CCNH: variants seen among roughly 807,000 people sequenced by gnomAD.
CCNH encodes the protein cyclin H.
Under a neutral mutation model 41.9 loss-of-function variants are expected in CCNH, and 31 were observed. The observed-to-expected ratio is 0.74, with a 90% CI of 0.56 to 1.00. CCNH has a LOEUF of 1.00. CCNH is among the 50% of genes least tolerant of loss of function. CCNH has a pLI of 0.00. For missense variants in CCNH, 362 were observed against 388.4 expected (o/e 0.93, Z 0.57); for synonymous variants, 138 against 136.1 (o/e 1.01, Z -0.10).
Position 87,333,157 on chromosome 5 carries a change from C to G in CCNH, c.*91-14260G>C, listed in dbSNP as rs980888337. ...CCAAGTAAAAATTTATTTGAATGAT[C>G]CCATGGAGTTTCTAATGTGAATTTT... On this transcript the variant is annotated intron_variant and NMD_transcript_variant, in intron 9 of 9. Coordinates refer to the CCNH transcript ENST00000645953. The G allele has an allele frequency of 2.7e-6, 4 of 1,469,276 alleles. No individual in the cohort carries two copies. The African/African-American group carries it at 5.7e-5, about 21-fold the overall frequency. 91.0% of individuals were successfully genotyped at this position (1,469,276 alleles called of 1,614,324 possible).
intron 9 of CCNH, among the ~76,000 whole-genome samples, chr5:87,386,149 G>GT (rs1762049462): frequency 6.6e-6 from 1 of 151,858 alleles, no homozygotes; most frequent in South Asian, 2.1e-4. Flanking sequence ...AATATTTTGT[G>GT]TTTCATTATT....
upstream of CCNH, chr5:87,378,342 G>A: frequency 6.3e-7 from 1 of 1,585,074 alleles, no homozygotes; most frequent in Non-Finnish European, 8.7e-7. Context: ...TTCCAATTTG[G>A]TCACATTAGG....
Position 87,395,057 on chromosome 5 carries a change from G to T in CCNH, c.920C>A (p.Ser307Tyr), listed in dbSNP as rs1762818525. ...YEDDDYVSKK[S>Y]KHEEEEWTDD... ...AGTAAAACATACCTCCTCATGTTTG[G>T]ATTTCTTTGAGACGTAATCATCATC... The change falls in exon 8 of 9, where the codon TCC becomes TAC. Residue 307 changes from serine to tyrosine, a missense_variant. Transcript: ENST00000256897. The T allele has an allele frequency of 1.2e-6, 2 of 1,610,554 alleles. No individual in the cohort carries two copies. The highest frequency in any genetic ancestry group is 1.7e-6 in the Non-Finnish European group (2 of 1,177,316).
At chr5:87,333,449 G>C in intron 9 of CCNH, 2 of 1,488,584 alleles carry the variant, frequency 1.3e-6, no homozygotes, top group Non-Finnish European at 1.8e-6. Flanking sequence ...ATACAGCAAG[G>C]TGAAAGAGCT....
intron 8 of CCNH, 109 bp downstream of exon 8, chr5:87,394,935 C>A (rs1490223328): frequency 1.9e-6 from 3 of 1,559,086 alleles, no homozygotes; most frequent in African/African-American, 1.4e-5. Context: ...AATGAAAAAA[C>A]CCACAACTCT....
rs371730837 is a variant in CCNH, at chr5:87,395,093, T to G, written c.884A>C (p.Lys295Thr). The change falls in exon 8 of 9, where the codon AAA becomes ACA. Residue 295 changes from lysine to threonine, a missense_variant. By Grantham distance (78) the Lys-to-Thr change is moderately conservative. Transcript: ENST00000256897. ...GACGTAATCATCATCTTCATAGCCT[T>G]TCCTCTTCTTCCTATAATTAAGCAA... The part of the protein sequence containing the change: ...LALNVITKKR[K>T]GYEDDDYVSK... 2.5e-6 allele frequency: 4 copies of G among 1,610,522 alleles called. No homozygotes were observed. In the African/African-American group the frequency reaches 5.3e-5, roughly 22 times the overall value.
chr5:87,391,572 G>C (rs1762522385), downstream of CCNH: 2 of 235,190 alleles, frequency 8.5e-6, no homozygotes, highest in Non-Finnish European at 1.7e-5. Flanking sequence ...ATCTCATAAT[G>C]CTTTGTTAAA....
chr5:87,311,616 TTAA>T, the CCNH span, among the ~76,000 whole-genome samples: 1 of 152,216 alleles, frequency 6.6e-6, no homozygotes, highest in East Asian at 1.9e-4. Flanking sequence ...GAGACAGTGC[TTAA>T]CTGCCGCTCA....
upstream of CCNH, chr5:87,380,360 T>C (rs950127837): frequency 5.6e-6 from 4 of 716,236 alleles, no homozygotes; most frequent in African/African-American, 7.0e-5. Context: ...CCTTGCTAAA[T>C]GCCTCATTAC....
At chr5:87,388,616 C>CTAAG (rs904887470), downstream of CCNH, among the ~76,000 whole-genome samples, 3 of 152,194 alleles carry the variant, frequency 2.0e-5, no homozygotes, top group African/African-American at 7.2e-5. Flanking sequence ...ATTATAGTGA[C>CTAAG]TAAGTTACTT....
intron 9 of CCNH, among the ~76,000 whole-genome samples, chr5:87,321,458 G>A (rs1334389784): frequency 6.6e-6 from 1 of 152,156 alleles, no homozygotes; most frequent in African/African-American, 2.4e-5. Flanking sequence ...TTGTAAGTCT[G>A]CATCTCTGGA....
downstream of CCNH, among the ~76,000 whole-genome samples, chr5:87,390,427 C>T (rs1288277766): frequency 1.3e-5 from 2 of 151,828 alleles, no homozygotes; most frequent in Non-Finnish European, 2.9e-5. Context: ...TTCTCCCCGC[C>T]CCTCCCCCCG....
chr5:87,393,267 C>T (rs983686606), downstream of CCNH: 1 of 152,112 alleles, frequency 6.6e-6, no homozygotes, highest in Non-Finnish European at 1.5e-5. Context: ...AGATTCAGGA[C>T]ACTTGAATTA....
intron 6 of CCNH, among the ~76,000 whole-genome samples, chr5:87,399,988 C>G (rs1254349274): frequency 1.3e-5 from 2 of 152,198 alleles, no homozygotes; most frequent in Non-Finnish European, 2.9e-5. Context: ...TGTTAATAAT[C>G]CTTTGCTTTA....
At chr5:87,374,818 C>A (rs769684434), downstream of CCNH, 2 of 1,604,640 alleles carry the variant, frequency 1.2e-6, no homozygotes, top group Admixed American at 3.3e-5. Context: ...TTTGTTAATT[C>A]TTTTTCTCCT....
chr5:87,336,578 G>T (rs987940556), intron 9 of CCNH, among the ~76,000 whole-genome samples: 2 of 152,060 alleles, frequency 1.3e-5, no homozygotes, highest in African/African-American at 4.8e-5. Flanking sequence ...TGATTAGATT[G>T]TATTACTACT....
At chr5:87,379,190 T>C (rs1761534499), upstream of CCNH, among the ~76,000 whole-genome samples, 1 of 152,168 alleles carries the variant, frequency 6.6e-6, no homozygotes, top group African/African-American at 2.4e-5. Context: ...TACTAATAAC[T>C]TGAAGGGAAG....
rs375135791 is a variant in CCNH, at chr5:87,383,761, G to T, written c.*90+9009C>A. 6 of 1,610,966 alleles carry T rather than the reference G, an allele frequency of 3.7e-6. No individual in the cohort carries two copies. The African/African-American group carries it at 8.0e-5, about 22-fold the overall frequency. On this transcript the variant is annotated intron_variant and NMD_transcript_variant, in intron 9 of 9. Transcript: ENST00000645953. ...TCTGTCCTGCCATCCTGAATCCACG[G>T]ATGTTCAATATCATCTCAGGTAATC...
chr5:87,316,703 C>T (rs974267362), downstream of CCNH, among the ~76,000 whole-genome samples: 4 of 152,174 alleles, frequency 2.6e-5, no homozygotes, highest in African/African-American at 9.7e-5. Context: ...GGGGAACTTC[C>T]TGCACATAAA....
Sources: gnomAD v4.1 joint callset for allele counts (sites outside exome capture counted in the v4.1 genomes callset) on GRCh38, gnomAD v4.1.1 for gene constraint, MANE v1.5 for transcripts, NCBI Gene and HGNC (gene_info 2026-07-23, HGNC 2026-07-21) for gene names.